The following ACSS3 variants were observed in gnomAD, a reference collection of about 807,000 sequenced individuals.
The protein encoded by ACSS3 is acyl-CoA synthetase short-chain family member 3, mitochondrial.
ACSS3 carries 64 observed loss-of-function variants against 84.2 expected under a neutral mutation model. That is an observed-to-expected ratio of 0.76 (90% CI 0.62 to 0.94). The LOEUF (loss-of-function observed/expected upper bound fraction) is 0.94, where lower values mean the gene tolerates loss of function less well. Among genes scored for constraint, ACSS3 ranks in the 40% least tolerant of loss-of-function variants. The probability of loss-of-function intolerance (pLI) is 0.00; values close to 1 mark genes in which losing one functional copy is unlikely to be tolerated. For synonymous variants in ACSS3, 317 were observed against 310.1 expected, an observed-to-expected ratio of 1.02 and a Z score of -0.23; for missense variants, 815 against 867.6, an observed-to-expected ratio of 0.94 and a Z score of 0.76.
At chr12:81,142,135 C>G (rs1886123499) in intron 4 of ACSS3, among the ~76,000 whole-genome samples, 2 of 152,098 alleles carry the variant, frequency 1.3e-5, no homozygotes, top group South Asian at 2.1e-4. Context: ...TTGGGCTTAT[C>G]TCAGGAATCA....
At chr12:81,108,310 G>T (rs1049112639) in intron 1 of ACSS3, among the ~76,000 whole-genome samples, 2 of 150,620 alleles carry the variant, frequency 1.3e-5, no homozygotes, top group East Asian at 1.9e-4. Flanking sequence ...ACAGAGTCTT[G>T]TTCTGTCACC....
chr12:81,078,384 G>C lies in ACSS3; in HGVS notation c.264G>C (p.Lys88Asn). 1 of 1,612,736 alleles carries C rather than the reference G, an allele frequency of 6.2e-7. No homozygotes were observed. Among genetic ancestry groups the C allele is most frequent in the Non-Finnish European group, 8.5e-7 (1 of 1,179,996 alleles). Residue 88 changes from lysine (K) to asparagine (N), a missense_variant, in exon 1 of 16, where the codon AAG becomes AAC. Coordinates refer to ENST00000548058, the MANE Select transcript of ACSS3 (RefSeq NM_024560.4). ...GKAAEQISWY[K>N]PWTKTLENKH... Reference sequence around the variant, plus strand: ...CTGCCGAGCAGATCAGCTGGTACAAGCCCTGGACCAAAACGCTGGAGAACA... The same window carrying C: ...CTGCCGAGCAGATCAGCTGGTACAACCCCTGGACCAAAACGCTGGAGAACA...
At chr12:81,162,697 A>G (rs1887212357) in intron 7 of ACSS3, among the ~76,000 whole-genome samples, 2 of 151,884 alleles carry the variant, frequency 1.3e-5, no homozygotes, top group South Asian at 4.2e-4. Flanking sequence ...CATGTTGTCC[A>G]TGGCACCCTG....
At chr12:81,229,250 C>T (rs1054238737) in intron 11 of ACSS3, among the ~76,000 whole-genome samples, 2 of 151,700 alleles carry the variant, frequency 1.3e-5, no homozygotes, top group African/African-American at 2.4e-5. Context: ...AAAATTGTCT[C>T]TTATTTAATA....
At chr12:81,122,630 T>A (rs1329334252) in intron 2 of ACSS3, among the ~76,000 whole-genome samples, 1 of 152,212 alleles carries the variant, frequency 6.6e-6, no homozygotes, top group Non-Finnish European at 1.5e-5. Flanking sequence ...ATAGTCTTTT[T>A]TAATATAGTG....
chr12:81,259,631 T>C lies in ACSS3; in HGVS notation c.*4709T>C, dbSNP rs2136050093. Reference sequence around the variant, plus strand: ...CTCGTCTTCTTAGATGGTAGTGCACTTTAGGTAGAGTAGACTGAAAAGACG... The same window carrying C: ...CTCGTCTTCTTAGATGGTAGTGCACCTTAGGTAGAGTAGACTGAAAAGACG... On this transcript the variant is annotated 3_prime_UTR_variant, in exon 16 of 16. Coordinates refer to ENST00000548058, the MANE Select transcript of ACSS3 (RefSeq NM_024560.4). 2.0e-6 allele frequency: 3 copies of C among 1,534,092 alleles called. No homozygotes were observed. The South Asian group carries it at 3.6e-5, about 18-fold the overall frequency.
At chr12:81,157,931 TAC>T (rs35855433) in intron 7 of ACSS3, among the ~76,000 whole-genome samples, 19,816 of 143,856 alleles carry the variant, frequency 0.14, 1,341 homozygotes, top group African/African-American at 0.18. Context: ...GATTACAGAA[TAC>T]ACACACACAC....
At chr12:81,146,096 T>C (rs188119243) in intron 5 of ACSS3, among the ~76,000 whole-genome samples, 30 of 152,336 alleles carry the variant, frequency 2.0e-4, no homozygotes, top group African/African-American at 7.0e-4. Flanking sequence ...CTTATACATA[T>C]TAGTTTTTAT....
chr12:81,236,059 G>C (rs1320437745), intron 13 of ACSS3, among the ~76,000 whole-genome samples: 2 of 151,308 alleles, frequency 1.3e-5, no homozygotes, highest in Non-Finnish European at 3.0e-5. Context: ...CTGATCTTAG[G>C]GTAAAGGCAA....
chr12:81,131,966 A>T (rs1885533835), intron 2 of ACSS3, among the ~76,000 whole-genome samples: 1 of 152,182 alleles, frequency 6.6e-6, no homozygotes, highest in Non-Finnish European at 1.5e-5. Context: ...CTTGCATCGC[A>T]GGGATGAAGC....
chr12:81,221,218 A>G (rs2033094571), intron 11 of ACSS3, among the ~76,000 whole-genome samples: 2 of 152,064 alleles, frequency 1.3e-5, no homozygotes, highest in South Asian at 4.1e-4. Context: ...ATTGAAAGAG[A>G]GATTGCTTTA....
chr12:81,131,154 T>A (rs975659136), intron 2 of ACSS3, among the ~76,000 whole-genome samples: 5 of 152,212 alleles, frequency 3.3e-5, no homozygotes, highest in Admixed American at 2.0e-4. Context: ...TTTTTTCTGA[T>A]TCTGTGAAGA....
intron 1 of ACSS3, among the ~76,000 whole-genome samples, chr12:81,109,058 G>T (rs1883335876): frequency 6.6e-6 from 1 of 152,132 alleles, no homozygotes; most frequent in Non-Finnish European, 1.5e-5. Context: ...TCTATTCTTT[G>T]TGAAATTGTA....
chr12:81,133,903 T>C (rs982609361), intron 2 of ACSS3, among the ~76,000 whole-genome samples: 3 of 152,070 alleles, frequency 2.0e-5, no homozygotes, highest in East Asian at 1.9e-4. Context: ...GAACTACTTA[T>C]TCATTAAGAT....
At chr12:81,155,399 CT>C (rs1375760476) in intron 7 of ACSS3, among the ~76,000 whole-genome samples, 1 of 152,194 alleles carries the variant, frequency 6.6e-6, no homozygotes, top group Non-Finnish European at 1.5e-5. Flanking sequence ...GCCTTTCCTG[CT>C]GAGTACTAAC....
At chr12:81,164,764 T>A (rs1887321812) in intron 7 of ACSS3, among the ~76,000 whole-genome samples, 1 of 152,242 alleles carries the variant, frequency 6.6e-6, no homozygotes, top group South Asian at 2.1e-4. Context: ...AGTTATCTTC[T>A]CTTTGCAAGA....
At chr12:81,130,753 G>A (rs1401343524) in intron 2 of ACSS3, among the ~76,000 whole-genome samples, 1 of 152,052 alleles carries the variant, frequency 6.6e-6, no homozygotes, top group Non-Finnish European at 1.5e-5. Context: ...GGGTTTTTAT[G>A]GTTTTAGGTC....
intron 13 of ACSS3, among the ~76,000 whole-genome samples, chr12:81,239,885 G>A (rs897936455): frequency 1.3e-5 from 2 of 151,944 alleles, no homozygotes; most frequent in African/African-American, 2.4e-5. Context: ...GTGCATATAT[G>A]CACATACATA....
chr12:81,142,725 A>G (rs1349390599), intron 4 of ACSS3, among the ~76,000 whole-genome samples: 2 of 152,220 alleles, frequency 1.3e-5, no homozygotes, highest in East Asian at 1.9e-4. Flanking sequence ...GCAAAATAAA[A>G]TAAATAGGCT....
Sources: gnomAD v4.1 joint callset for allele counts (sites outside exome capture counted in the v4.1 genomes callset) on GRCh38, gnomAD v4.1.1 for gene constraint, MANE v1.5 for transcripts, NCBI Gene and HGNC (gene_info 2026-07-23, HGNC 2026-07-21) for gene names.